Variants in TNRC6B observed in about 807,000 individuals in gnomAD.
The protein encoded by TNRC6B is trinucleotide repeat-containing gene 6B protein.
TNRC6B carries 52 observed loss-of-function variants against 203.6 expected under a neutral mutation model. The ratio of observed to expected loss-of-function variants is 0.26; its 90% CI spans 0.20 to 0.32. The LOEUF is 0.32. Ranked by LOEUF, TNRC6B falls within the 10% of genes least tolerant of loss-of-function variation. The probability of loss-of-function intolerance (pLI) is 1.00; values close to 1 mark genes in which losing one functional copy is unlikely to be tolerated. For missense variants in TNRC6B, 1,923 were observed against 2,286.2 expected (o/e 0.84, Z 3.24); for synonymous variants, 838 against 845.7 (o/e 0.99, Z 0.16).
At chr22:40,146,853 C>T (rs1391890062) in intron 3 of TNRC6B, among the ~76,000 whole-genome samples, 2 of 152,200 alleles carry the variant, frequency 1.3e-5, no homozygotes, top group East Asian at 3.8e-4. Flanking sequence ...GCATAAGCCA[C>T]CGTGCCCGAA....
At chr22:40,214,669 C>G (rs1229379335) in intron 1 of TNRC6B, among the ~76,000 whole-genome samples, 1 of 151,970 alleles carries the variant, frequency 6.6e-6, no homozygotes, top group Non-Finnish European at 1.5e-5. Context: ...TTTCTGGTCT[C>G]AACCTCTTAA....
At chr22:40,170,860 T>C (rs542227558) in intron 4 of TNRC6B, among the ~76,000 whole-genome samples, 1 of 126,180 alleles carries the variant, frequency 7.9e-6, no homozygotes, top group Non-Finnish European at 1.6e-5. Context: ...TGTGTATATA[T>C]ACATATATGT....
chr22:40,113,379 A>G (rs1428161634), intron 1 of TNRC6B, among the ~76,000 whole-genome samples: 1 of 152,120 alleles, frequency 6.6e-6, no homozygotes, highest in African/African-American at 2.4e-5. Flanking sequence ...TTTTGAGACA[A>G]GGTCTGGCTC....
intron 4 of TNRC6B, among the ~76,000 whole-genome samples, chr22:40,163,387 G>C (rs1367798387): frequency 2.0e-5 from 2 of 101,534 alleles, no homozygotes; most frequent in African/African-American, 7.7e-5. Flanking sequence ...GACAGAACAA[G>C]ACCCTGTCTC....
At chr22:40,244,543 A>G (rs1298204825) in intron 1 of TNRC6B, among the ~76,000 whole-genome samples, 1 of 150,966 alleles carries the variant, frequency 6.6e-6, no homozygotes, top group Non-Finnish European at 1.5e-5. Flanking sequence ...TTCCTTTTGT[A>G]TAGTTTCAGT....
intron 1 of TNRC6B, among the ~76,000 whole-genome samples, chr22:40,086,665 A>G (rs2068102184): frequency 6.6e-6 from 1 of 152,250 alleles, no homozygotes; most frequent in Admixed American, 6.5e-5. Context: ...GTAGAGTTCA[A>G]AAGATGTCTT....
intron 1 of TNRC6B, among the ~76,000 whole-genome samples, chr22:40,052,512 A>G (rs547466603): frequency 9.3e-5 from 12 of 129,066 alleles, no homozygotes; most frequent in African/African-American, 3.7e-4. Flanking sequence ...GCCGGAGTGC[A>G]GTGGCATAAA....
chr22:40,193,330 A>G (rs1278851801), intron 1 of TNRC6B, among the ~76,000 whole-genome samples: 1 of 152,218 alleles, frequency 6.6e-6, no homozygotes, highest in Non-Finnish European at 1.5e-5. Context: ...TGTTGAATGA[A>G]TAAGTGAATC....
intron 4 of TNRC6B, among the ~76,000 whole-genome samples, chr22:40,170,682 TCA>T (rs1385089693): frequency 2.2e-5 from 3 of 137,642 alleles, no homozygotes; most frequent in African/African-American, 5.3e-5. Context: ...AAAACAATTC[TCA>T]CTTTGCAAAA....
rs368998016 is a variant in TNRC6B at position 40,134,927 on chromosome 22, TG to T, written c.45+9068del. The stretch of plus-strand genomic sequence containing the variant: ...TATTTCTCATAATTCTGTGTTTTCC[TG>T]GGCTCACTAGGGCAGTTCTTCTCTT... On this transcript the variant is annotated intron_variant, in intron 3 of 23. Coordinates refer to the TNRC6B transcript ENST00000301923. 3.1e-4 allele frequency among the ~76,000 whole-genome samples: 47 copies of T among 152,378 alleles called. No individual in the cohort carries two copies. In the East Asian group the frequency reaches 8.9e-3, roughly 29 times the overall value.
intron 1 of TNRC6B, among the ~76,000 whole-genome samples, chr22:40,068,665 CTT>C (rs1327694577): frequency 6.6e-6 from 1 of 152,056 alleles, no homozygotes; most frequent in Non-Finnish European, 1.5e-5. Flanking sequence ...ATCTTAGTAA[CTT>C]TTCGTTGTCT....
chr22:40,284,646 A>G lies in TNRC6B; in HGVS notation c.3583-999A>G, dbSNP rs140845314. Among the ~76,000 whole-genome samples, 76 of 152,298 alleles carry G rather than the reference A, an allele frequency of 5.0e-4. 2 individuals carry two copies. The East Asian group carries it at 0.014, about 29-fold the overall frequency. ...TAGAAAGACAGAATGGAAAATAACT[A>G]TAGTGTGGTTTGATGAGTTTTAAAG... On this transcript the variant is annotated intron_variant, in intron 11 of 22. Coordinates refer to ENST00000454349, the MANE Select transcript of TNRC6B (RefSeq NM_001162501.2).
chr22:40,303,940 ATTATATTTGTTT>A (rs2146553101), intron 15 of TNRC6B, among the ~76,000 whole-genome samples: 1 of 152,306 alleles, frequency 6.6e-6, no homozygotes, highest in South Asian at 2.1e-4. Flanking sequence ...AGTTAGCATT[ATTATATTTGTTT>A]GAATTGAAGA....
chr22:40,102,318 G>T (rs2068247483), intron 1 of TNRC6B, among the ~76,000 whole-genome samples: 1 of 152,198 alleles, frequency 6.6e-6, no homozygotes, highest in Non-Finnish European at 1.5e-5. Flanking sequence ...ACAAATGACA[G>T]TGAAAGCCTG....
At chr22:40,191,278 C>G (rs1401252314) in intron 1 of TNRC6B, among the ~76,000 whole-genome samples, 4 of 152,154 alleles carry the variant, frequency 2.6e-5, no homozygotes, top group African/African-American at 9.7e-5. Context: ...TAGTACCCAC[C>G]TTGAAGAGTG....
intron 1 of TNRC6B, among the ~76,000 whole-genome samples, chr22:40,179,407 C>CT (rs1056514433): frequency 6.6e-6 from 1 of 152,086 alleles, no homozygotes; most frequent in Non-Finnish European, 1.5e-5. Context: ...TTTCTTTTCT[C>CT]TTTTTTTCCT....
At chr22:40,306,103 TA>T (rs2071084732) in intron 15 of TNRC6B, among the ~76,000 whole-genome samples, 1 of 151,922 alleles carries the variant, frequency 6.6e-6, no homozygotes, top group South Asian at 2.1e-4. Flanking sequence ...CCATCCTGGC[TA>T]ACACGATGAA....
intron 7 of TNRC6B, among the ~76,000 whole-genome samples, chr22:40,276,262 G>A (rs2070643043): frequency 6.6e-6 from 1 of 151,886 alleles, no homozygotes; most frequent in South Asian, 2.1e-4. Flanking sequence ...CAGGAGAATG[G>A]CGTGAGCCCG....
chr22:40,123,614 G>C (rs1217543966), intron 2 of TNRC6B, among the ~76,000 whole-genome samples: 1 of 152,200 alleles, frequency 6.6e-6, no homozygotes, highest in Non-Finnish European at 1.5e-5. Context: ...AATGGAGCGT[G>C]GGTCTGGAGG....
Sources: allele counts gnomAD v4.1 joint callset (sites outside exome capture counted in the v4.1 genomes callset), GRCh38; gene constraint gnomAD v4.1.1; transcripts MANE v1.5; gene names NCBI Gene and HGNC (gene_info 2026-07-23, HGNC 2026-07-21).